KCNQ1: variants seen among roughly 807,000 people sequenced by gnomAD.
KCNQ1 encodes the protein potassium voltage-gated channel subfamily Q member 1.
Under a neutral mutation model 72.4 loss-of-function variants are expected in KCNQ1, and 49 were observed. The observed-to-expected ratio is 0.68, with a 90% CI of 0.54 to 0.86. The LOEUF (loss-of-function observed/expected upper bound fraction) is 0.86. KCNQ1 is among the 40% of genes least tolerant of loss of function. KCNQ1 has a pLI of 0.00. For synonymous variants in KCNQ1, 450 were observed against 412.6 expected (o/e 1.09, Z -1.10); for missense variants, 790 against 945.1 (o/e 0.84, Z 2.15).
intron 11 of KCNQ1, chr11:2,692,156 C>T: frequency 2.5e-6 from 1 of 398,714 alleles, no homozygotes; most frequent in Non-Finnish European, 4.4e-6. Context: ...CTTTCAGTGT[C>T]ACCCATCCTT....
In KCNQ1 at chr11:2,477,458, G is replaced by A. The variant is rs1428660536; in HGVS notation, c.386+31974G>A. ...GTCATGTTAGTGGCTCAATGGGCAG[G>A]GTGCCCAGGTTAGCTGTGAACAAAG... is the stretch of plus-strand genomic sequence containing the variant. On this transcript the variant is annotated intron_variant, in intron 1 of 15. Transcript: ENST00000155840. This position sits in a 1 kb window ranked among gnomAD's most constrained non-coding sequence, Gnocchi z 5.0. Among the ~76,000 whole-genome samples, 1 of 152,098 alleles carries A rather than the reference G, an allele frequency of 6.6e-6. No homozygotes were observed. The highest frequency in any genetic ancestry group is 1.5e-5 in the Non-Finnish European group (1 of 68,012).
chr11:2,519,772 GGCCC>G (rs1192386996), intron 1 of KCNQ1, among the ~76,000 whole-genome samples: 7 of 51,566 alleles, frequency 1.4e-4, no homozygotes, highest in African/African-American at 2.1e-4. Flanking sequence ...AGCAGGTGTT[GGCCC>G]CCCCCCACAA....
intron 1 of KCNQ1, among the ~76,000 whole-genome samples, chr11:2,510,534 G>C (rs916161946): frequency 2.0e-5 from 3 of 152,078 alleles, no homozygotes; most frequent in Admixed American, 6.5e-5. Context: ...TTGAGCCCAG[G>C]AGTAGAGGTT....
chr11:2,580,174 G>T (rs868076147), intron 6 of KCNQ1, among the ~76,000 whole-genome samples: 32 of 152,124 alleles, frequency 2.1e-4, no homozygotes, highest in African/African-American at 7.7e-4. Context: ...GCTCCCCACT[G>T]GCCTCCCCCA....
intron 11 of KCNQ1, among the ~76,000 whole-genome samples, chr11:2,765,969 A>G (rs929389473): frequency 5.3e-5 from 8 of 151,924 alleles, no homozygotes; most frequent in Non-Finnish European, 1.0e-4. Flanking sequence ...TCTTCCTTTA[A>G]GTCTATTTTC....
intron 10 of KCNQ1, chr11:2,618,870 A>G (rs1849116384): frequency 2.5e-6 from 1 of 398,308 alleles, no homozygotes; most frequent in Non-Finnish European, 4.4e-6. Flanking sequence ...AATGATTCAT[A>G]GTTTTCAGTG....
intron 1 of KCNQ1, among the ~76,000 whole-genome samples, chr11:2,445,944 G>C (rs562617372): frequency 6.6e-6 from 1 of 152,178 alleles, no homozygotes; most frequent in Non-Finnish European, 1.5e-5. Flanking sequence ...GTGGACTCTG[G>C]GGCAGGGGGC....
In KCNQ1 at chr11:2,550,206, C is replaced by T. The variant is rs529358284; in HGVS notation, c.478-20422C>T. ...ACGTCCCTCCCCCGCCTCTCTTTGC[C>T]GTTGCCGGGACTGGGCCGTGTGCCT... On this transcript the variant is annotated intron_variant, in intron 2 of 15. Transcript: ENST00000155840. The surrounding 1 kb of genome is among the most constrained non-coding windows in gnomAD (Gnocchi z 6.0). 6.6e-6 allele frequency among the ~76,000 whole-genome samples: 1 copy of T among 152,252 alleles called. No individual in the cohort carries two copies. Among genetic ancestry groups the T allele is most frequent in the Non-Finnish European group, 1.5e-5 (1 of 68,042 alleles).
chr11:2,670,960 GC>G lies in KCNQ1; in HGVS notation c.1514+8883del, dbSNP rs765220681. 6.8e-5 allele frequency: 27 copies of G among 398,606 alleles called. No individual in the cohort carries two copies. Among genetic ancestry groups the G allele is most frequent in the Admixed American group, 1.3e-4 (3 of 22,734 alleles). The allele number at this position is 398,606 out of a possible 1,614,324, so 24.7% of individuals were successfully genotyped here. ...GCCCAGCTTCATGCCTTCTTATGGT[GC>G]CCCAGAGCCCCTGGCTAGGCATTCA... is the stretch of plus-strand genomic sequence containing the variant. On this transcript the variant is annotated intron_variant, in intron 11 of 15. Transcript: ENST00000155840. This position sits in a 1 kb window ranked among gnomAD's most constrained non-coding sequence, Gnocchi z 4.9.
Position 2,607,015 on chromosome 11 carries a change from G to A in KCNQ1, c.1393+18161G>A, listed in dbSNP as rs999758588. On this transcript the variant is annotated intron_variant, in intron 10 of 15. Transcript: ENST00000155840. ...CCTCCCAGGTTCACGCCATTCTTCT[G>A]CCTCAGCCTCCCGAGTAGCTGGGAC... Among the ~76,000 whole-genome samples, 12 of 145,192 alleles carry A rather than the reference G, an allele frequency of 8.3e-5. 1 individual carries two copies. The South Asian group carries it at 8.6e-4, about 10-fold the overall frequency.
Position 2,803,793 on chromosome 11 carries a change from C to T in KCNQ1, c.1794+25756C>T, listed in dbSNP as rs1847320801. Among the ~76,000 whole-genome samples the T allele has an allele frequency of 6.6e-6, 1 of 152,174 alleles. No homozygotes were observed. Among genetic ancestry groups the T allele is most frequent in the African/African-American group, 2.4e-5 (1 of 41,434 alleles). On this transcript the variant is annotated intron_variant, in intron 15 of 15. Coordinates refer to ENST00000155840, the MANE Select transcript of KCNQ1 (RefSeq NM_000218.3). This position sits in a 1 kb window ranked among gnomAD's most constrained non-coding sequence, Gnocchi z 6.4. Reference sequence around the variant, plus strand: ...CCACTTCCCTCCTCCCCTCTCATCCCCACCTCGGGCCCACCAGCTCCCACC... The same window carrying T: ...CCACTTCCCTCCTCCCCTCTCATCCTCACCTCGGGCCCACCAGCTCCCACC...
intron 11 of KCNQ1, among the ~76,000 whole-genome samples, chr11:2,744,481 C>A (rs149551099): frequency 6.3e-4 from 96 of 152,354 alleles, no homozygotes; most frequent in Admixed American, 1.4e-3. Flanking sequence ...GACTTGTTTG[C>A]GGTTGCTCCT....
intron 15 of KCNQ1, among the ~76,000 whole-genome samples, chr11:2,822,351 G>T (rs568002345): frequency 6.6e-6 from 1 of 152,164 alleles, no homozygotes; most frequent in Non-Finnish European, 1.5e-5. Context: ...CCAGGCCCTG[G>T]GGTATAGTGT....
chr11:2,623,353 T>C lies in KCNQ1; in HGVS notation c.1393+34499T>C, dbSNP rs972973374. ...GCATGTATCTACCATTATAGTATCA[T>C]ACAGATACGTATATTTACATATATT... On this transcript the variant is annotated intron_variant, in intron 10 of 15. Transcript: ENST00000155840. This position sits in a 1 kb window ranked among gnomAD's most constrained non-coding sequence, Gnocchi z 5.2. The C allele has an allele frequency of 1.5e-5, 6 of 398,666 alleles. No homozygotes were observed. Among genetic ancestry groups the C allele is most frequent in the Non-Finnish European group, 2.7e-5 (6 of 226,066 alleles). The allele number at this position is 398,666 out of a possible 1,614,324, so 24.7% of individuals were successfully genotyped here. A position where few individuals can be genotyped will look rare whatever the true frequency, so the allele number is the denominator to read the frequency against.
rs894693262 is a variant in KCNQ1, at chr11:2,473,458, C to T, written c.386+27974C>T. 4.6e-5 allele frequency among the ~76,000 whole-genome samples: 7 copies of T among 151,772 alleles called. No homozygotes were observed. Among genetic ancestry groups the T allele is most frequent in the African/African-American group, 7.3e-5 (3 of 41,304 alleles). On this transcript the variant is annotated intron_variant, in intron 1 of 15. Coordinates refer to ENST00000155840, the MANE Select transcript of KCNQ1 (RefSeq NM_000218.3). This position sits in a 1 kb window ranked among gnomAD's most constrained non-coding sequence, Gnocchi z 6.0. ...GAGGGGCTGGGCCCTCCCAGGTGAGCGGGTTGGGAAAGGAAAGGGTCTGTG... is the reference window on the plus strand; with the variant it reads ...GAGGGGCTGGGCCCTCCCAGGTGAGTGGGTTGGGAAAGGAAAGGGTCTGTG...
Position 2,808,004 on chromosome 11 carries a change from G to A in KCNQ1, c.1794+29967G>A, listed in dbSNP as rs1024202966. Among the ~76,000 whole-genome samples, 3 of 152,162 alleles carry A rather than the reference G, an allele frequency of 2.0e-5. No individual in the cohort carries two copies. Among genetic ancestry groups the A allele is most frequent in the South Asian group, 2.1e-4 (1 of 4,830 alleles). ...TGAGACAGGAACGGTCTCTCTGGGG[G>A]CAGGGCCGGTGGTACCTGGAGCCCT... is the stretch of plus-strand genomic sequence containing the variant. On this transcript the variant is annotated intron_variant, in intron 15 of 15. Coordinates refer to ENST00000155840, the MANE Select transcript of KCNQ1 (RefSeq NM_000218.3). This position sits in a 1 kb window ranked among gnomAD's most constrained non-coding sequence, Gnocchi z 6.0.
chr11:2,595,104 G>A lies in KCNQ1; in HGVS notation c.1393+6250G>A, dbSNP rs1848716963. 6.6e-6 allele frequency among the ~76,000 whole-genome samples: 1 copy of A among 152,154 alleles called. No homozygotes were observed. Among genetic ancestry groups the A allele is most frequent in the African/African-American group, 2.4e-5 (1 of 41,432 alleles). On this transcript the variant is annotated intron_variant, in intron 10 of 15. Coordinates refer to ENST00000155840, the MANE Select transcript of KCNQ1 (RefSeq NM_000218.3). This position sits in a 1 kb window ranked among gnomAD's most constrained non-coding sequence, Gnocchi z 5.0. ...ATATGGGATCTTCTAGACAACCTAT[G>A]CAGTGTAAACAGAAACCCCAATCTC...
At chr11:2,810,696 C>A (rs1847468164) in intron 15 of KCNQ1, among the ~76,000 whole-genome samples, 1 of 152,216 alleles carries the variant, frequency 6.6e-6, no homozygotes, top group African/African-American at 2.4e-5. Flanking sequence ...CCCTCTCTCT[C>A]ATGTTCTGAA....
Position 2,768,445 on chromosome 11 carries a change from A to C in KCNQ1, c.1515-399A>C, listed in dbSNP as rs1846534480. On this transcript the variant is annotated intron_variant, in intron 11 of 15. Coordinates refer to ENST00000155840, the MANE Select transcript of KCNQ1 (RefSeq NM_000218.3). This position sits in a 1 kb window ranked among gnomAD's most constrained non-coding sequence, Gnocchi z 6.7. ...ACAGCAGCTGAAAGGGGCTGTGGGC[A>C]TCGCCAGCATGTACCCTCTTATCCC... 6.6e-6 allele frequency among the ~76,000 whole-genome samples: 1 copy of C among 152,122 alleles called. No homozygotes were observed. The highest frequency in any genetic ancestry group is 1.5e-5 in the Non-Finnish European group (1 of 68,028).
Sources: allele counts gnomAD v4.1 joint callset (sites outside exome capture counted in the v4.1 genomes callset), GRCh38; gene constraint gnomAD v4.1.1; non-coding constraint Gnocchi (gnomAD v3.1); transcripts MANE v1.5; gene names NCBI Gene and HGNC (gene_info 2026-07-23, HGNC 2026-07-21).